The following GCM2 variants were observed in gnomAD, a reference collection of about 807,000 sequenced individuals.
The protein encoded by GCM2 is GCM transcription factor 2, also known as chorion-specific transcription factor GCMb.
In GCM2, 21 loss-of-function variants were observed where a neutral mutation model predicts 24.8. The ratio of observed to expected loss-of-function variants is 0.85; its 90% CI spans 0.60 to 1.22. GCM2 has a LOEUF of 1.22. Among genes scored for constraint, GCM2 ranks in the 50% most tolerant of loss-of-function variants. The pLI, the probability that GCM2 is intolerant of heterozygous loss-of-function variation, is 0.00. For synonymous variants in GCM2, 222 were observed against 238.0 expected, an observed-to-expected ratio of 0.93 and a Z score of 0.62; for missense variants, 532 against 645.6, an observed-to-expected ratio of 0.82 and a Z score of 1.91.
At chr6:10,878,251 A>T (rs1212938607) in intron 1 of GCM2, among the ~76,000 whole-genome samples, 1 of 152,208 alleles carries the variant, frequency 6.6e-6, no homozygotes, top group South Asian at 2.1e-4. Flanking sequence ...TTAATGCATT[A>T]TTTACACTGC....
chr6:10,881,554 A>G (rs6149425), intron 1 of GCM2, 150 bp downstream of exon 1: 9,343 of 430,556 alleles, frequency 0.022, 675 homozygotes, highest in Middle Eastern at 0.042. Flanking sequence ...TTTTGCGGGT[A>G]TGTGTGTGTG....
Position 10,877,016 on chromosome 6 carries a change from T to C in GCM2, c.343+124A>G, listed in dbSNP as rs1779892061. ...AGGCGGAGGTTGCAGTGAGCTGAGA[T>C]TGCACCATTGCAGTCCAGCCTGAGT... On this transcript the variant is annotated intron_variant, in intron 2 of 4. Transcript: ENST00000379491. 3.9e-6 allele frequency: 5 copies of C among 1,276,382 alleles called. No individual in the cohort carries two copies. In the East Asian group the frequency reaches 6.9e-5, roughly 18 times the overall value. 79.1% of individuals were successfully genotyped at this position (1,276,382 alleles called of 1,614,324 possible). A position where few individuals can be genotyped will look rare whatever the true frequency, so the allele number is the denominator to read the frequency against.
intron 3 of GCM2, 62 bp from the exon 4 acceptor site, chr6:10,876,078 C>A: frequency 6.4e-7 from 1 of 1,563,006 alleles, no homozygotes; most frequent in African/African-American, 1.3e-5. Context: ...CAATGTTGCC[C>A]AAAAATTGAT....
At position 10,876,428 on chromosome 6, in the gene GCM2, G is replaced by A. The variant is rs1398653742; in HGVS notation, c.456+17C>T. On this transcript the variant is annotated intron_variant, in intron 3 of 4. Transcript: ENST00000379491. ...ATGAAAAGTATCCATCACAAATTGTGTTCTCACCTGACCTACCTGAAAAAA... is the reference window on the plus strand; with the variant it reads ...ATGAAAAGTATCCATCACAAATTGTATTCTCACCTGACCTACCTGAAAAAA... 2 of 1,516,612 alleles carry A rather than the reference G, an allele frequency of 1.3e-6. No individual in the cohort carries two copies. Among genetic ancestry groups the A allele is most frequent in the East Asian group, 2.3e-5 (1 of 44,398 alleles). The allele number at this position is 1,516,612 out of a possible 1,614,324, so 93.9% of individuals were successfully genotyped here.
At chr6:10,881,593 TGTG>T (rs1561673763) in intron 1 of GCM2, 108 bp downstream of exon 1, 176 of 551,252 alleles carry the variant, frequency 3.2e-4, no homozygotes, top group African/African-American at 1.2e-3. Flanking sequence ...TGTGTGTGTG[TGTG>T]TGTGTGTGTG....
intron 1 of GCM2, among the ~76,000 whole-genome samples, chr6:10,878,725 A>G (rs1779917019): frequency 6.6e-6 from 1 of 152,240 alleles, no homozygotes; most frequent in Non-Finnish European, 1.5e-5. Flanking sequence ...ATTATGCAAT[A>G]TATATAATTC....
At position 10,876,610 on chromosome 6, in the gene GCM2, G is replaced by A. The variant is rs927455956; in HGVS notation, c.344-53C>T. The A allele has an allele frequency of 8.4e-6, 10 of 1,192,632 alleles. No homozygotes were observed. In the African/African-American group the frequency reaches 1.5e-4, roughly 18 times the overall value. The allele number at this position is 1,192,632 out of a possible 1,614,324, so 73.9% of individuals were successfully genotyped here. ...AACCCTGACCCCAGACCCTTCTGAA[G>A]GAAGAAGGGGAAAATTAGCTGGGAA... On this transcript the variant is annotated intron_variant, in intron 2 of 4. Transcript: ENST00000379491.
At chr6:10,878,279 C>T (rs1279621820) in intron 1 of GCM2, among the ~76,000 whole-genome samples, 2 of 152,160 alleles carry the variant, frequency 1.3e-5, no homozygotes, top group African/African-American at 4.8e-5. Context: ...GTCACTTTTG[C>T]ATATAAGTTT....
Position 10,881,803 on chromosome 6 carries a change from T to C in GCM2, c.-10A>G. 6.2e-7 allele frequency: 1 copy of C among 1,604,554 alleles called. No individual in the cohort carries two copies. The highest frequency in any genetic ancestry group is 8.5e-7 in the Non-Finnish European group (1 of 1,178,740). On this transcript the variant is annotated 5_prime_UTR_variant, in exon 1 of 5. Coordinates refer to ENST00000379491, the MANE Select transcript of GCM2 (RefSeq NM_004752.4). ...CCGCGGCCGCCGGCATCTGCCCAAC[T>C]CGCTCGCGCTTTCCGCCCAGGGTTC...
At chr6:10,876,199 C>T (rs2113247195) in intron 3 of GCM2, among the ~76,000 whole-genome samples, 183 bp from the exon 4 acceptor site, 2 of 152,244 alleles carry the variant, frequency 1.3e-5, no homozygotes, top group South Asian at 4.2e-4. Context: ...GAAAAGATCA[C>T]CTGCAATCCC....
Position 10,874,153 on chromosome 6 carries a change from G to C in GCM2, c.1363C>G (p.Arg455Gly). 19 of 1,614,142 alleles carry C rather than the reference G, an allele frequency of 1.2e-5. No individual in the cohort carries two copies. Among genetic ancestry groups the C allele is most frequent in the Non-Finnish European group, 1.4e-5 (17 of 1,180,008 alleles). Residue 455 changes from arginine (R) to glycine (G), a missense_variant, in exon 5 of 5, where the codon CGG becomes GGG. Arg to Gly is a moderately radical substitution (Grantham distance 125). This residue lies in a region of GCM2 where 434 missense variants were observed against 521.9 expected (regional missense o/e 0.83). Coordinates refer to ENST00000379491, the MANE Select transcript of GCM2 (RefSeq NM_004752.4). ...PPPMKIAGDCRAIRPTVAIPH... is the reference protein window; with the variant it reads ...PPPMKIAGDCGAIRPTVAIPH... ...ATAGCCACAGTGGGTCTGATGGCCC[G>C]GCAATCTCCTGCAATTTTCATAGGA...
At position 10,874,272 on chromosome 6, in the gene GCM2, T is replaced by A. The variant is rs753165002; in HGVS notation, c.1244A>T (p.Asn415Ile). The change falls in exon 5 of 5, where the codon AAC becomes ATC. Residue 415 changes from asparagine (N) to isoleucine (I), a missense_variant. Physicochemically the swap from Asn to Ile is moderately radical, Grantham distance 149. Coordinates refer to ENST00000379491, the MANE Select transcript of GCM2 (RefSeq NM_004752.4). ...VREVKSLSSC[N>I]YAPEDTGMSV... ...CATCCCAGTATCTTCAGGAGCATAGTTACAGCTCGAAAGGCTCTTCACCTC... is the reference window on the plus strand; with the variant it reads ...CATCCCAGTATCTTCAGGAGCATAGATACAGCTCGAAAGGCTCTTCACCTC... 6.2e-7 allele frequency: 1 copy of A among 1,614,240 alleles called. No homozygotes were observed. The highest frequency in any genetic ancestry group is 1.1e-5 in the South Asian group (1 of 91,090).
chr6:10,876,308 G>A lies in GCM2; in HGVS notation c.456+137C>T. ...TTCTAGGCTCCCGCTAGGTCCCTGGGGAGCTCCAGCACCTATTTCTGGCCA... is the reference window on the plus strand; with the variant it reads ...TTCTAGGCTCCCGCTAGGTCCCTGGAGAGCTCCAGCACCTATTTCTGGCCA... On this transcript the variant is annotated intron_variant, in intron 3 of 4. Transcript: ENST00000379491. The A allele has an allele frequency of 1.4e-5, 10 of 732,828 alleles. No individual in the cohort carries two copies. The South Asian group carries it at 1.5e-4, about 11-fold the overall frequency. The allele number at this position is 732,828 out of a possible 1,614,324, so 45.4% of individuals were successfully genotyped here.
At position 10,874,410 on chromosome 6, in the gene GCM2, A is replaced by C; in HGVS notation, c.1106T>G (p.Leu369Arg). Residue 369 changes from leucine (L) to arginine (R), a missense_variant, in exon 5 of 5, where the codon CTC becomes CGC. Coordinates refer to ENST00000379491, the MANE Select transcript of GCM2 (RefSeq NM_004752.4). The part of the protein sequence containing the change: ...YYNPELPCRY[L>R]TTPPPGAPAL... Reference sequence around the variant, plus strand: ...AGGGGCACCTGGTGGTGGAGTCGTGAGGTACCTGCAGGGAAGCTCTGGGTT... The same window carrying C: ...AGGGGCACCTGGTGGTGGAGTCGTGCGGTACCTGCAGGGAAGCTCTGGGTT... The C allele has an allele frequency of 1.2e-6, 2 of 1,614,182 alleles. No individual in the cohort carries two copies. The highest frequency in any genetic ancestry group is 3.3e-5 in the Admixed American group (2 of 60,004).
chr6:10,881,750 T>A lies in GCM2; in HGVS notation c.44A>T (p.Tyr15Phe). 6.2e-7 allele frequency: 1 copy of A among 1,611,110 alleles called. No individual in the cohort carries two copies. The highest frequency in any genetic ancestry group is 1.1e-5 in the South Asian group (1 of 91,078). The change falls in exon 1 of 5, where the codon TAC becomes TTC. Residue 15 changes from tyrosine (Y) to phenylalanine (F), a missense_variant. Tyr to Phe is a conservative substitution (Grantham distance 22, BLOSUM62 3). Coordinates refer to ENST00000379491, the MANE Select transcript of GCM2 (RefSeq NM_004752.4). ...AVQEAVGVCSYGMQLSWDIND... is the reference protein window; with the variant it reads ...AVQEAVGVCSFGMQLSWDIND... ...GATGTCCCAGCTGAGCTGCATCCCGTAGGAGCACACGCCGACCGCTTCCTG... is the reference window on the plus strand; with the variant it reads ...GATGTCCCAGCTGAGCTGCATCCCGAAGGAGCACACGCCGACCGCTTCCTG...
At chr6:10,876,349 G>T in intron 3 of GCM2, 96 bp downstream of exon 3, 1 of 852,320 alleles carries the variant, frequency 1.2e-6, no homozygotes, top group Middle Eastern at 2.3e-4. Flanking sequence ...GCTGTATTTT[G>T]TTTGGCCCAG....
chr6:10,878,476 G>T (rs757755376), intron 1 of GCM2, among the ~76,000 whole-genome samples: 3 of 151,988 alleles, frequency 2.0e-5, no homozygotes. Context: ...ATGCCACCAC[G>T]CCTGGCTATT....
In GCM2 at chr6:10,876,520, C is replaced by A. The variant is rs1356867101; in HGVS notation, c.381G>T (p.Leu127Phe). ...ACPNCHSALE[L>F]IPCRGHSGYP... ...ATCCGCTGTGCCCTCGACAAGGAAT[C>A]AACTCCAAAGCAGAATGACAGTTAG... The change falls in exon 3 of 5, where the codon TTG (leucine) becomes TTT (phenylalanine). Residue 127 changes from leucine (L) to phenylalanine (F), a missense_variant. Coordinates refer to ENST00000379491, the MANE Select transcript of GCM2 (RefSeq NM_004752.4). 2.5e-6 allele frequency: 4 copies of A among 1,614,010 alleles called. No homozygotes were observed. In the South Asian group the frequency reaches 3.3e-5, roughly 13 times the overall value.
rs1158245152 is a variant in GCM2, at chr6:10,881,873, T to C, written c.-80A>G. 13 of 1,103,210 alleles carry C rather than the reference T, an allele frequency of 1.2e-5. No homozygotes were observed. In the African/African-American group the frequency reaches 1.8e-4, roughly 16 times the overall value. 68.3% of individuals were successfully genotyped at this position (1,103,210 alleles called of 1,614,324 possible). On this transcript the variant is annotated 5_prime_UTR_variant, in exon 1 of 5. Transcript: ENST00000379491. Reference sequence around the variant, plus strand: ...GGACAGGTGCGCCAGGTGGGTTTTTTTTCTTCTCTTTAAAGAAGAAAGTGG... The same window carrying C: ...GGACAGGTGCGCCAGGTGGGTTTTTCTTCTTCTCTTTAAAGAAGAAAGTGG...
Sources: gnomAD v4.1 joint callset for allele counts (sites outside exome capture counted in the v4.1 genomes callset) on GRCh38, gnomAD v4.1.1 for gene constraint, gnomAD v4.1.1 regional missense constraint, MANE v1.5 for transcripts, NCBI Gene and HGNC (gene_info 2026-07-23, HGNC 2026-07-21) for gene names.